WDR3: variants seen among roughly 807,000 people sequenced by gnomAD.
WDR3 encodes the protein WD repeat-containing protein 3.
In WDR3, 81 loss-of-function variants were observed where a neutral mutation model predicts 123.7. The ratio of observed to expected loss-of-function variants is 0.65; its 90% CI spans 0.55 to 0.79. WDR3 has a LOEUF of 0.79. Ranked by LOEUF, WDR3 falls within the 30% of genes least tolerant of loss-of-function variation. The pLI is 0.00. For missense variants in WDR3, 1,027 were observed against 1,123.2 expected, an observed-to-expected ratio of 0.91 and a Z score of 1.22; for synonymous variants, 390 against 388.8, an observed-to-expected ratio of 1.00 and a Z score of -0.04.
intron 17 of WDR3, 46 bp downstream of exon 17, chr1:117,952,122 T>C (rs1651639213): frequency 6.3e-7 from 1 of 1,579,992 alleles, no homozygotes; most frequent in East Asian, 2.2e-5. Context: ...CACCTGTAAG[T>C]TATCACTTTC....
Position 117,941,149 on chromosome 1 carries a change from G to T in WDR3, c.815G>T (p.Gly272Val), listed in dbSNP as rs1324623637. The T allele has an allele frequency of 7.4e-6, 12 of 1,614,128 alleles. No individual in the cohort carries two copies. Among genetic ancestry groups the T allele is most frequent in the Non-Finnish European group, 1.0e-5 (12 of 1,180,008 alleles). Residue 272 changes from glycine (G) to valine (V), a missense_variant, in exon 8 of 27, where the codon GGT becomes GTT. Coordinates refer to ENST00000349139, the MANE Select transcript of WDR3 (RefSeq NM_006784.3). ...EDRILSCRKA[G>V]SIMREGRDRV... ...CGAATCCTTTCATGCAGAAAAGCTG[G>T]TTCCATAATGCGGGAAGGAAGAGAC...
chr1:117,951,929 T>C (rs942878895), intron 16 of WDR3, 47 bp from the exon 17 acceptor site: 3 of 1,533,024 alleles, frequency 2.0e-6, no homozygotes, highest in South Asian at 2.3e-5. Flanking sequence ...TTTATTCATA[T>C]ACGGAATTCA....
At chr1:117,940,792 A>G in intron 6 of WDR3, 35 bp from the exon 7 acceptor site, 5 of 1,547,412 alleles carry the variant, frequency 3.2e-6, no homozygotes, top group Non-Finnish European at 4.4e-6. Context: ...GGAACATACT[A>G]TTTCAGCTTT....
rs905537285 is a variant in WDR3 at position 117,966,501 on chromosome 1, T to G, written c.*7054T>G. 7.1e-6 allele frequency: 8 copies of G among 1,118,912 alleles called. No homozygotes were observed. The highest frequency in any genetic ancestry group is 8.6e-6 in the Non-Finnish European group (7 of 817,662). 69.3% of individuals were successfully genotyped at this position (1,118,912 alleles called of 1,614,324 possible). The stretch of plus-strand genomic sequence containing the variant: ...TGTCTTAATAAATTTAACTCTGATT[T>G]TGAAGATAGAATTAATAAAGTAGAG... On this transcript the variant is annotated 3_prime_UTR_variant, in exon 27 of 27. Transcript: ENST00000349139.
intron 12 of WDR3, 53 bp downstream of exon 12, chr1:117,946,232 A>G: frequency 7.0e-7 from 1 of 1,422,636 alleles, no homozygotes; most frequent in East Asian, 2.4e-5. Flanking sequence ...CAAAATTCAT[A>G]AAGTTAAGAA....
At position 117,945,359 on chromosome 1, in the gene WDR3, G is replaced by C. The variant is rs753663871; in HGVS notation, c.1329-727G>C. ...TCTTGCTATTCCTTCAACAGAACAA[G>C]AATGTGCCTTTCTTATGGCTGTTGT... On this transcript the variant is annotated intron_variant, in intron 11 of 26. Coordinates refer to ENST00000349139, the MANE Select transcript of WDR3 (RefSeq NM_006784.3). 7.2e-5 allele frequency among the ~76,000 whole-genome samples: 11 copies of C among 152,268 alleles called. 1 individual carries two copies. Among genetic ancestry groups the C allele is most frequent in the Admixed American group, 1.3e-4 (2 of 15,292 alleles).
At position 117,952,508 on chromosome 1, in the gene WDR3, A is replaced by AT. The variant is rs373138481; in HGVS notation, c.2017-10dup. On this transcript the variant is annotated intron_variant, in intron 18 of 26. Transcript: ENST00000349139. Reference sequence around the variant, plus strand: ...GTGGTCAATGAATGAGGTATTCTTTATTTTTTTTTTCTCCTCCAGGGTCAT... The same window carrying AT: ...GTGGTCAATGAATGAGGTATTCTTTATTTTTTTTTTTCTCCTCCAGGGTCAT... 1.1e-3 allele frequency: 1,689 copies of AT among 1,480,042 alleles called. No homozygotes were observed. The highest frequency in any genetic ancestry group is 2.2e-3 in the South Asian group (165 of 76,536). The allele number at this position is 1,480,042 out of a possible 1,614,324, so 91.7% of individuals were successfully genotyped here. A position where few individuals can be genotyped will look rare whatever the true frequency, so the allele number is the denominator to read the frequency against.
intron 4 of WDR3, among the ~76,000 whole-genome samples, chr1:117,938,256 C>T (rs926358864): frequency 1.3e-5 from 2 of 152,164 alleles, no homozygotes; most frequent in African/African-American, 4.8e-5. Flanking sequence ...CATCTAAAGT[C>T]ATTCTTGTGC....
intron 13 of WDR3, 86 bp downstream of exon 13, chr1:117,948,592 G>T (rs1571018794): frequency 2.9e-4 from 167 of 570,286 alleles, no homozygotes; most frequent in Non-Finnish European, 3.5e-4. Flanking sequence ...AAAGCCTGAG[G>T]TTTTTTTTTT....
intron 3 of WDR3, among the ~76,000 whole-genome samples, chr1:117,936,170 C>T (rs1005850578): frequency 2.0e-5 from 3 of 152,000 alleles, no homozygotes; most frequent in African/African-American, 7.2e-5. Flanking sequence ...ATACATATCC[C>T]TGCTGGTTCT....
At chr1:117,942,628 CTG>C in intron 10 of WDR3, 84 bp downstream of exon 10, 1 of 1,237,810 alleles carries the variant, frequency 8.1e-7, no homozygotes, top group Non-Finnish European at 1.2e-6. Context: ...TGTAAGCTGT[CTG>C]TATGAATTAT....
intron 23 of WDR3, 148 bp from the exon 24 acceptor site, chr1:117,955,167 A>C: frequency 1.7e-6 from 1 of 598,110 alleles, no homozygotes; most frequent in Non-Finnish European, 2.9e-6. Context: ...GATCTGACTG[A>C]CTCTAAACTC....
chr1:117,952,928 A>T lies in WDR3; in HGVS notation c.2152-18A>T, dbSNP rs781138797. The T allele has an allele frequency of 1.9e-6, 3 of 1,612,522 alleles. No homozygotes were observed. Among genetic ancestry groups the T allele is most frequent in the Non-Finnish European group, 2.5e-6 (3 of 1,179,136 alleles). ...ATGTTTTTTTCTCTCAAATTAATGT[A>T]TATCTATCTCATGGCAGGAAAGAGA... On this transcript the variant is annotated intron_variant, in intron 19 of 26. Coordinates refer to ENST00000349139, the MANE Select transcript of WDR3 (RefSeq NM_006784.3).
rs111464532 is a variant in WDR3, at chr1:117,940,728, C to G, written c.676-99C>G. 49 of 1,122,452 alleles carry G rather than the reference C, an allele frequency of 4.4e-5. 1 individual carries two copies. Among genetic ancestry groups the G allele is most frequent in the African/African-American group, 4.0e-4 (25 of 62,272 alleles). 69.5% of individuals were successfully genotyped at this position (1,122,452 alleles called of 1,614,324 possible). A position where few individuals can be genotyped will look rare whatever the true frequency, so the allele number is the denominator to read the frequency against. On this transcript the variant is annotated intron_variant, in intron 6 of 26. Coordinates refer to ENST00000349139, the MANE Select transcript of WDR3 (RefSeq NM_006784.3). Reference sequence around the variant, plus strand: ...GGGCGACAGAGTAAGACTCTGTCTCCGACAACAACAACAACAACAACAAAA... The same window carrying G: ...GGGCGACAGAGTAAGACTCTGTCTCGGACAACAACAACAACAACAACAAAA...
Position 117,951,960 on chromosome 1 carries a change from C to T in WDR3, c.1804-16C>T, listed in dbSNP as rs1379550362. 6.2e-7 allele frequency: 1 copy of T among 1,603,414 alleles called. No individual in the cohort carries two copies. Among genetic ancestry groups the T allele is most frequent in the Admixed American group, 1.8e-5 (1 of 56,968 alleles). Reference sequence around the variant, plus strand: ...ATTCAAAAATCAAGGTAGTGTTTTACTTTTATTTCTCATAGGATGGAGCAC... The same window carrying T: ...ATTCAAAAATCAAGGTAGTGTTTTATTTTTATTTCTCATAGGATGGAGCAC... On this transcript the variant is annotated splice_polypyrimidine_tract_variant and intron_variant, in intron 16 of 26. Transcript: ENST00000349139.
chr1:117,953,841 A>C (rs1651771530), intron 21 of WDR3, 166 bp from the exon 22 acceptor site: 1 of 645,656 alleles, frequency 1.5e-6, no homozygotes, highest in Non-Finnish European at 2.6e-6. Context: ...AAAAATAAGA[A>C]AACCAAAAAT....
chr1:117,964,036 A>G lies in WDR3; in HGVS notation c.*4589A>G. ...GAATCATAGAATTTCTTCTCTGGCA[A>G]CATCAGTTCAATTTTAGGTAACTGT... On this transcript the variant is annotated 3_prime_UTR_variant, in exon 27 of 27. Coordinates refer to ENST00000349139, the MANE Select transcript of WDR3 (RefSeq NM_006784.3). The G allele has an allele frequency of 2.2e-6, 3 of 1,374,900 alleles. No homozygotes were observed. Among genetic ancestry groups the G allele is most frequent in the Admixed American group, 4.2e-5 (2 of 47,060 alleles). 85.2% of individuals were successfully genotyped at this position (1,374,900 alleles called of 1,614,324 possible).
chr1:117,946,547 C>A (rs1376620908), intron 12 of WDR3, among the ~76,000 whole-genome samples: 2 of 152,054 alleles, frequency 1.3e-5, no homozygotes, highest in African/African-American at 4.8e-5. Flanking sequence ...TCAGTAAAGA[C>A]AAACTGATCA....
chr1:117,948,375 T>A, intron 12 of WDR3, 30 bp from the exon 13 acceptor site: 1 of 1,594,428 alleles, frequency 6.3e-7, no homozygotes, highest in East Asian at 2.2e-5. Context: ...GTATGTTCAT[T>A]GGAGCTGTGC....
Sources: allele counts gnomAD v4.1 joint callset (sites outside exome capture counted in the v4.1 genomes callset), GRCh38; gene constraint gnomAD v4.1.1; transcripts MANE v1.5; gene names NCBI Gene and HGNC (gene_info 2026-07-23, HGNC 2026-07-21).